The following COL4A1 variants were observed in gnomAD, a reference collection of about 807,000 sequenced individuals.
The protein encoded by COL4A1 is collagen alpha-1(IV) chain.
Under a neutral mutation model 216.6 loss-of-function variants are expected in COL4A1, and 40 were observed. That is an observed-to-expected ratio of 0.18 (90% CI 0.14 to 0.24). The LOEUF is 0.24. Among genes scored for constraint, COL4A1 ranks in the 10% least tolerant of loss-of-function variants. COL4A1 has a pLI of 1.00. For synonymous variants in COL4A1, 839 were observed against 810.7 expected (o/e 1.03, Z -0.59); for missense variants, 1,628 against 2,196.8 (o/e 0.74, Z 5.18).
intron 2 of COL4A1, among the ~76,000 whole-genome samples, chr13:110,225,580 T>A (rs1426572187): frequency 6.6e-6 from 1 of 152,020 alleles, no homozygotes; most frequent in Non-Finnish European, 1.5e-5. Context: ...AGACTCCATC[T>A]CAAAAAATAA....
chr13:110,252,536 A>AT lies in COL4A1; in HGVS notation c.85-9803dup, dbSNP rs1566415954. On this transcript the variant is annotated intron_variant, in intron 1 of 51. Coordinates refer to ENST00000375820, the MANE Select transcript of COL4A1 (RefSeq NM_001845.6). ...TATATATACGTATAATTATACGTAT[A>AT]TATGTATTATATATACGTATAATTA... 9.8e-3 allele frequency among the ~76,000 whole-genome samples: 97 copies of AT among 9,932 alleles called. 24 individuals are homozygous for AT. Among genetic ancestry groups the AT allele is most frequent in the South Asian group, 0.083 (7 of 84 alleles). The allele number at this position is 9,932 out of a possible 152,430, so 6.5% of individuals were successfully genotyped here. A position where few individuals can be genotyped will look rare whatever the true frequency, so the allele number is the denominator to read the frequency against.
At position 110,169,883 on chromosome 13, in the gene COL4A1, A is replaced by G. The variant is rs1187846752; in HGVS notation, c.3743-121T>C. 2.2e-6 allele frequency: 3 copies of G among 1,363,238 alleles called. No homozygotes were observed. In the African/African-American group the frequency reaches 4.3e-5, roughly 20 times the overall value. The allele number at this position is 1,363,238 out of a possible 1,614,324, so 84.4% of individuals were successfully genotyped here. ...CTGATACAACACTGGACCAACAGTG[A>G]CAACCCTTGAGACAGAAATCGAGGC... On this transcript the variant is annotated intron_variant, in intron 42 of 51. Coordinates refer to ENST00000375820, the MANE Select transcript of COL4A1 (RefSeq NM_001845.6).
At chr13:110,208,742 A>C in intron 12 of COL4A1, 107 bp downstream of exon 12, 2 of 1,020,810 alleles carry the variant, frequency 2.0e-6, no homozygotes, top group Non-Finnish European at 3.1e-6. Flanking sequence ...CATGCAGAGA[A>C]GAGTAACTAT....
At chr13:110,188,842 A>AGAAGCT (rs1377313550) in intron 24 of COL4A1, among the ~76,000 whole-genome samples, 4 of 152,180 alleles carry the variant, frequency 2.6e-5, no homozygotes, top group Non-Finnish European at 5.9e-5. Context: ...AAGGAACGGG[A>AGAAGCT]GAAGCTGCTC....
intron 28 of COL4A1, among the ~76,000 whole-genome samples, chr13:110,181,771 T>C (rs1387585319): frequency 6.6e-6 from 1 of 152,070 alleles, no homozygotes; most frequent in Non-Finnish European, 1.5e-5. Flanking sequence ...CATCACTTCA[T>C]TAGAAATGCA....
At chr13:110,223,026 C>T (rs574142496) in intron 2 of COL4A1, among the ~76,000 whole-genome samples, 3 of 151,932 alleles carry the variant, frequency 2.0e-5, no homozygotes, top group Non-Finnish European at 2.9e-5. Context: ...CAGGTAAATG[C>T]GGTCAGCCTA....
intron 1 of COL4A1, among the ~76,000 whole-genome samples, chr13:110,293,483 A>C (rs371305477): frequency 7.2e-5 from 11 of 152,252 alleles, no homozygotes; most frequent in Middle Eastern, 3.2e-3. Context: ...AAAAAGTTGT[A>C]TTAAAAATTT....
chr13:110,242,949 A>G (rs1405792032), intron 1 of COL4A1, among the ~76,000 whole-genome samples: 1 of 143,422 alleles, frequency 7.0e-6, no homozygotes, highest in Non-Finnish European at 1.5e-5. Flanking sequence ...AAAATCCTTG[A>G]GTAGAACAAA....
At chr13:110,214,452 G>C (rs1445390741) in intron 2 of COL4A1, among the ~76,000 whole-genome samples, 2 of 152,178 alleles carry the variant, frequency 1.3e-5, no homozygotes, top group Non-Finnish European at 2.9e-5. Flanking sequence ...AGCTGGTAAA[G>C]CATGACTTCT....
chr13:110,201,023 C>A, intron 19 of COL4A1, 134 bp from the exon 20 acceptor site: 2 of 936,954 alleles, frequency 2.1e-6, no homozygotes, highest in South Asian at 2.8e-5. Context: ...GAAAACAGAG[C>A]GGGAGACCAC....
Position 110,179,258 on chromosome 13 carries a change from T to C in COL4A1, c.2344+13A>G, listed in dbSNP as rs753944017. ...GTCCTCGAAACCCTCCAGACTGATCTGCATGAAGTTACCTCTGATCCCCTG... is the reference window on the plus strand; with the variant it reads ...GTCCTCGAAACCCTCCAGACTGATCCGCATGAAGTTACCTCTGATCCCCTG... On this transcript the variant is annotated intron_variant, in intron 30 of 51. Transcript: ENST00000375820. 3.7e-6 allele frequency: 6 copies of C among 1,614,014 alleles called. No individual in the cohort carries two copies. Among genetic ancestry groups the C allele is most frequent in the African/African-American group, 1.3e-5 (1 of 74,910 alleles).
At chr13:110,257,511 G>T (rs1328665391) in intron 1 of COL4A1, among the ~76,000 whole-genome samples, 1 of 152,184 alleles carries the variant, frequency 6.6e-6, no homozygotes, top group African/African-American at 2.4e-5. Context: ...AAAAACTGAG[G>T]TATACCACAG....
At chr13:110,168,250 G>A (rs2139152867) in intron 43 of COL4A1, among the ~76,000 whole-genome samples, 1 of 152,242 alleles carries the variant, frequency 6.6e-6, no homozygotes, top group East Asian at 1.9e-4. Context: ...CCCCACCTCA[G>A]GTGATCTGCC....
rs1808996 is a variant in COL4A1 at position 110,152,129 on chromosome 13, T to C, written c.4928+205A>G. 1.0e-2 allele frequency among the ~76,000 whole-genome samples: 1,516 copies of C among 152,308 alleles called. 21 individuals are homozygous for C. Among genetic ancestry groups the C allele is most frequent in the African/African-American group, 0.035 (1,445 of 41,558 alleles). On this transcript the variant is annotated intron_variant, in intron 51 of 51. Transcript: ENST00000375820. ...AAATGACCTTTTTCTTTCATGGTTC[T>C]TCGGTAAATGAAAAAATTAAACCTG... is the stretch of plus-strand genomic sequence containing the variant.
At chr13:110,219,105 C>T (rs1380891396) in intron 2 of COL4A1, among the ~76,000 whole-genome samples, 1 of 152,190 alleles carries the variant, frequency 6.6e-6, no homozygotes, top group African/African-American at 2.4e-5. Flanking sequence ...ATGGAAAACT[C>T]TGTGGCGAGG....
chr13:110,226,182 A>AT (rs1880729021), intron 2 of COL4A1, among the ~76,000 whole-genome samples: 1 of 152,232 alleles, frequency 6.6e-6, no homozygotes, highest in South Asian at 2.1e-4. Flanking sequence ...TAAGACAGAC[A>AT]TAAGAAAATT....
At chr13:110,254,469 C>T (rs1882423548) in intron 1 of COL4A1, among the ~76,000 whole-genome samples, 1 of 152,140 alleles carries the variant, frequency 6.6e-6, no homozygotes, top group South Asian at 2.1e-4. Flanking sequence ...TTCTATTTAT[C>T]CCACTGCGTT....
intron 17 of COL4A1, among the ~76,000 whole-genome samples, chr13:110,204,648 A>ATC (rs2139195353): frequency 7.0e-6 from 1 of 142,980 alleles, no homozygotes; most frequent in East Asian, 2.0e-4. Context: ...TATTTTTTAG[A>ATC]TTTTTTTTTT....
rs765105720 is a variant in COL4A1, at chr13:110,163,487, C to G, written c.4225G>C (p.Glu1409Gln). The change falls in exon 47 of 52, where the codon GAG becomes CAG. Residue 1409 changes from glutamate to glutamine, a missense_variant. Physicochemically the swap from Glu to Gln is conservative, Grantham distance 29 (BLOSUM62 2). Transcript: ENST00000375820. ...CCAGTAGGCCCGGCAGGTCCCATCT[C>G]TCCTTTCTGGCCAGGGGCACCGTCA... ...GFDGAPGQKG[E>Q]MGPAGPTGPR... The G allele has an allele frequency of 1.2e-6, 2 of 1,614,158 alleles. No homozygotes were observed. The highest frequency in any genetic ancestry group is 2.2e-5 in the East Asian group (1 of 44,872).
Sources: gnomAD v4.1 joint callset for allele counts (sites outside exome capture counted in the v4.1 genomes callset) on GRCh38, gnomAD v4.1.1 for gene constraint, MANE v1.5 for transcripts, NCBI Gene and HGNC (gene_info 2026-07-23, HGNC 2026-07-21) for gene names.